PRMT1: variants seen among roughly 807,000 people sequenced by gnomAD.
PRMT1 encodes protein arginine methyltransferase 1.
A neutral mutation model predicts 47.4 loss-of-function variants in PRMT1; 5 were observed. The observed-to-expected ratio is 0.11, with a 90% CI of 0.06 to 0.22. PRMT1 has a LOEUF of 0.22. Among genes scored for constraint, PRMT1 ranks in the 10% least tolerant of loss-of-function variants. PRMT1 has a pLI of 1.00. For synonymous variants in PRMT1, 227 were observed against 204.6 expected (o/e 1.11, Z -0.94); for missense variants, 249 against 518.4 (o/e 0.48, Z 5.05).
Position 49,684,673 on chromosome 19 carries a change from C to A in PRMT1, c.556-81C>A. The A allele has an allele frequency of 7.0e-7, 1 of 1,432,964 alleles. No individual in the cohort carries two copies. The highest frequency in any genetic ancestry group is 9.6e-7 in the Non-Finnish European group (1 of 1,043,818). 88.8% of individuals were successfully genotyped at this position (1,432,964 alleles called of 1,614,324 possible). On this transcript the variant is annotated intron_variant, in intron 6 of 10. Coordinates refer to ENST00000454376, the MANE Select transcript of PRMT1 (RefSeq NM_001536.6). This position sits in a 1 kb window ranked among gnomAD's most constrained non-coding sequence, Gnocchi z 6.2. ...GACATGAGGGTGGCCCAGACCAGGG[C>A]AGGAGGCCACATCTTGGAGGCAAGA...
chr19:49,685,999 C>A lies in PRMT1; in HGVS notation c.760-94C>A. ...GGGAGGGCTAGCAGGAAGGGGACAG[C>A]GAGGTCACAGGCCCTCTGGGAGCTT... On this transcript the variant is annotated intron_variant, in intron 8 of 10. Transcript: ENST00000454376. This position sits in a 1 kb window ranked among gnomAD's most constrained non-coding sequence, Gnocchi z 4.7. 2.6e-6 allele frequency: 4 copies of A among 1,527,510 alleles called. No homozygotes were observed. The highest frequency in any genetic ancestry group is 3.5e-6 in the Non-Finnish European group (4 of 1,141,674). 94.6% of individuals were successfully genotyped at this position (1,527,510 alleles called of 1,614,324 possible).
At position 49,685,956 on chromosome 19, in the gene PRMT1, G is replaced by A. The variant is rs2082198350; in HGVS notation, c.760-137G>A. The A allele has an allele frequency of 1.4e-5, 20 of 1,470,466 alleles. 1 individual carries two copies. In the South Asian group the frequency reaches 2.3e-4, roughly 17 times the overall value. 91.1% of individuals were successfully genotyped at this position (1,470,466 alleles called of 1,614,324 possible). The stretch of plus-strand genomic sequence containing the variant: ...CAGGATGCAGAGTGAAGGAGGAGCC[G>A]AGGCTGGGTGCCAGTGAGGGAGGGC... On this transcript the variant is annotated intron_variant, in intron 8 of 10. Transcript: ENST00000454376. This position sits in a 1 kb window ranked among gnomAD's most constrained non-coding sequence, Gnocchi z 4.7.
chr19:49,680,160 G>C lies in PRMT1; in HGVS notation c.90+235G>C, dbSNP rs373092757. The C allele has an allele frequency of 3.2e-6, 5 of 1,546,218 alleles. No homozygotes were observed. Among genetic ancestry groups the C allele is most frequent in the Non-Finnish European group, 3.5e-6 (4 of 1,134,288 alleles). On this transcript the variant is annotated intron_variant, in intron 2 of 10. Transcript: ENST00000454376. The surrounding 1 kb of genome is among the most constrained non-coding windows in gnomAD (Gnocchi z 4.2). The stretch of plus-strand genomic sequence containing the variant: ...CCAACCCCCCTTTGCCCTTCCCTGT[G>C]TCTGCCCCCATTTTCCTTCCCCTCC...
At chr19:49,686,782 TGG>T in intron 10 of PRMT1, 56 bp downstream of exon 10, 6 of 183,076 alleles carry the variant, frequency 3.3e-5, no homozygotes, top group Non-Finnish European at 3.6e-5. Context: ...GAGTGTAGAT[TGG>T]GGGGGGAGTG....
At chr19:49,679,718 C>A (rs536935816) in intron 1 of PRMT1, 154 bp from the exon 2 acceptor site, 2 of 672,594 alleles carry the variant, frequency 3.0e-6, no homozygotes, top group Admixed American at 2.1e-5. Flanking sequence ...TTCTTAAACA[C>A]CCCACCTCAT....
At position 49,681,197 on chromosome 19, in the gene PRMT1, G is replaced by C. The variant is rs1397694715; in HGVS notation, c.192+609G>C. Among the ~76,000 whole-genome samples the C allele has an allele frequency of 6.6e-6, 1 of 152,078 alleles. No individual in the cohort carries two copies. Among genetic ancestry groups the C allele is most frequent in the African/African-American group, 2.4e-5 (1 of 41,404 alleles). Reference sequence around the variant, plus strand: ...TCGGAGTAGCTGGGACCACAGGCGCGCGCCACCACGCCCAGCTGATGTTCT... The same window carrying C: ...TCGGAGTAGCTGGGACCACAGGCGCCCGCCACCACGCCCAGCTGATGTTCT... On this transcript the variant is annotated intron_variant, in intron 3 of 10. Transcript: ENST00000454376. The surrounding 1 kb of genome is among the most constrained non-coding windows in gnomAD (Gnocchi z 4.4).
At chr19:49,687,065 G>A (rs1013613714) in intron 10 of PRMT1, among the ~76,000 whole-genome samples, 3 of 152,166 alleles carry the variant, frequency 2.0e-5, no homozygotes, top group African/African-American at 7.2e-5. Context: ...CTGTCAGGCT[G>A]GGAGCAGGGC....
chr19:49,682,630 T>G (rs1411981324), intron 5 of PRMT1, among the ~76,000 whole-genome samples: 1 of 152,146 alleles, frequency 6.6e-6, no homozygotes, highest in Non-Finnish European at 1.5e-5. Context: ...TGCATTTACA[T>G]TCTCGTGCAT....
upstream of PRMT1, chr19:49,677,226 A>G (rs1892180789): frequency 3.0e-5 from 41 of 1,387,652 alleles, no homozygotes; most frequent in Non-Finnish European, 3.8e-5. Context: ...GTCCCGGGGG[A>G]GTGAGGAGAA....
upstream of PRMT1, among the ~76,000 whole-genome samples, chr19:49,676,914 C>G (rs1057026831): frequency 2.6e-5 from 4 of 152,184 alleles, no homozygotes; most frequent in Non-Finnish European, 5.9e-5. Context: ...CAAGACGCCC[C>G]TTTAGCGCGG....
chr19:49,686,502 T>TC (rs2123009341), intron 9 of PRMT1, 103 bp from the exon 10 acceptor site: 1 of 1,170,728 alleles, frequency 8.5e-7, no homozygotes, highest in East Asian at 3.6e-5. Flanking sequence ...CGGATAGCAG[T>TC]CCCATCAGCT....
chr19:49,677,004 C>T (rs975983216), upstream of PRMT1: 3 of 378,702 alleles, frequency 7.9e-6, no homozygotes, highest in Middle Eastern at 6.6e-4. Context: ...TCACCAGTCG[C>T]GCTTCTTGCA....
chr19:49,685,753 C>T lies in PRMT1; in HGVS notation c.760-340C>T, dbSNP rs1330933513. On this transcript the variant is annotated intron_variant, in intron 8 of 10. Coordinates refer to ENST00000454376, the MANE Select transcript of PRMT1 (RefSeq NM_001536.6). This position sits in a 1 kb window ranked among gnomAD's most constrained non-coding sequence, Gnocchi z 4.7. The stretch of plus-strand genomic sequence containing the variant: ...GGGTTTAGGTTGGCATTTGTGTTGC[C>T]GTTTGAAGCCATCATGTTGTTGGAC... 1.3e-5 allele frequency: 14 copies of T among 1,096,324 alleles called. No homozygotes were observed. The highest frequency in any genetic ancestry group is 6.8e-5 in the East Asian group (1 of 14,658). The allele number at this position is 1,096,324 out of a possible 1,614,324, so 67.9% of individuals were successfully genotyped here.
At position 49,686,578 on chromosome 19, in the gene PRMT1, G is replaced by A. The variant is rs753415658; in HGVS notation, c.911-27G>A. The A allele has an allele frequency of 8.7e-6, 14 of 1,603,560 alleles. No individual in the cohort carries two copies. The African/African-American group carries it at 1.6e-4, about 18-fold the overall frequency. ...GGGGTTGGGGGGGGCAGCAGGCCGA[G>A]GCCGGCTGACCCGCCCGCGCCCCCA... On this transcript the variant is annotated intron_variant, in intron 9 of 10. Transcript: ENST00000454376.
Position 49,680,607 on chromosome 19 carries a change from C to A in PRMT1, c.192+19C>A. ...CCACGAGGTCAGTGGGGACAGTCCC[C>A]AAGGCCCCAATCTTAGGGGGGCTTA... On this transcript the variant is annotated intron_variant, in intron 3 of 10. Transcript: ENST00000454376. This position sits in a 1 kb window ranked among gnomAD's most constrained non-coding sequence, Gnocchi z 4.2. 6.4e-7 allele frequency: 1 copy of A among 1,566,542 alleles called. No homozygotes were observed.
rs199944602 is a variant in PRMT1, at chr19:49,684,891, G to T, written c.644-31G>T. On this transcript the variant is annotated intron_variant, in intron 7 of 10. Transcript: ENST00000454376. The surrounding 1 kb of genome is among the most constrained non-coding windows in gnomAD (Gnocchi z 6.2). ...GGCGGGGCCTCGGGTGGGCTGCTGC[G>T]GGCTCACCCCCTCCCTGCCTGCCTC... 1 of 1,607,252 alleles carries T rather than the reference G, an allele frequency of 6.2e-7. No individual in the cohort carries two copies. The highest frequency in any genetic ancestry group is 1.7e-5 in the Admixed American group (1 of 59,386).
Position 49,685,802 on chromosome 19 carries a change from T to G in PRMT1, c.760-291T>G. ...ACTTGTCAAGGGGTTGGGGAGACAG[T>G]GGAGTGGGGCGCCTGCATTCTAGGA... On this transcript the variant is annotated intron_variant, in intron 8 of 10. Coordinates refer to ENST00000454376, the MANE Select transcript of PRMT1 (RefSeq NM_001536.6). This position sits in a 1 kb window ranked among gnomAD's most constrained non-coding sequence, Gnocchi z 4.7. The G allele has an allele frequency of 8.2e-7, 1 of 1,226,368 alleles. No homozygotes were observed. Among genetic ancestry groups the G allele is most frequent in the South Asian group, 2.2e-5 (1 of 45,852 alleles). 76.0% of individuals were successfully genotyped at this position (1,226,368 alleles called of 1,614,324 possible).
rs993253351 is a variant in PRMT1, at chr19:49,686,073, C to T, written c.760-20C>T. 28 of 1,607,050 alleles carry T rather than the reference C, an allele frequency of 1.7e-5. No homozygotes were observed. Among genetic ancestry groups the T allele is most frequent in the Admixed American group, 3.4e-5 (2 of 59,484 alleles). ...CGAGGTGGGGACGCATCCCGGAGCT[C>T]GCCCTCTCATGTCCTGCAGGAGGTG... On this transcript the variant is annotated intron_variant, in intron 8 of 10. Transcript: ENST00000454376.
chr19:49,679,801 A>G, intron 1 of PRMT1, 71 bp from the exon 2 acceptor site: 1 of 1,226,496 alleles, frequency 8.2e-7, no homozygotes, highest in Non-Finnish European at 1.2e-6. Flanking sequence ...GCCAGAGCCC[A>G]GGTTCCGCCA....
Sources: allele counts gnomAD v4.1 joint callset (sites outside exome capture counted in the v4.1 genomes callset), GRCh38; gene constraint gnomAD v4.1.1; non-coding constraint Gnocchi (gnomAD v3.1); transcripts MANE v1.5; gene names NCBI Gene and HGNC (gene_info 2026-07-23, HGNC 2026-07-21).